TEX2: variants seen among roughly 807,000 people sequenced by gnomAD.
TEX2 encodes the protein testis expressed 2, also known as testis-expressed protein 2.
A neutral mutation model predicts 106.9 loss-of-function variants in TEX2; 53 were observed. That is an observed-to-expected ratio of 0.50 (90% CI 0.40 to 0.62). The LOEUF is 0.62. Ranked by LOEUF, TEX2 falls within the 20% of genes least tolerant of loss-of-function variation. The pLI, the probability that TEX2 is intolerant of heterozygous loss-of-function variation, is 0.00. For synonymous variants in TEX2, 523 were observed against 534.8 expected, an observed-to-expected ratio of 0.98 and a Z score of 0.30; for missense variants, 1,207 against 1,379.0, an observed-to-expected ratio of 0.88 and a Z score of 1.98.
At chr17:64,212,118 C>G (rs1386478874) in intron 2 of TEX2, among the ~76,000 whole-genome samples, 3 of 152,186 alleles carry the variant, frequency 2.0e-5, no homozygotes, top group African/African-American at 7.2e-5. Flanking sequence ...CATTCCCCAC[C>G]GTGCAAAGGA....
At chr17:64,219,637 G>A (rs1398233966) in intron 1 of TEX2, among the ~76,000 whole-genome samples, 3 of 152,162 alleles carry the variant, frequency 2.0e-5, no homozygotes, top group Admixed American at 2.0e-4. Flanking sequence ...GCCTAAACTA[G>A]AGGAGTGGAT....
intron 6 of TEX2, among the ~76,000 whole-genome samples, chr17:64,174,671 G>C (rs143377593): frequency 6.6e-6 from 1 of 152,350 alleles, no homozygotes; most frequent in East Asian, 1.9e-4. Context: ...AGGCATTCAA[G>C]GGTATGGGAC....
chr17:64,159,540 G>A (rs1000280844), intron 8 of TEX2, among the ~76,000 whole-genome samples: 2 of 152,058 alleles, frequency 1.3e-5, no homozygotes, highest in Admixed American at 1.3e-4. Context: ...TCCTGGTGTC[G>A]GTTCTCTCAG....
chr17:64,200,393 A>C lies in TEX2; in HGVS notation c.1645-5298T>G, dbSNP rs1598171530. On this transcript the variant is annotated intron_variant, in intron 2 of 11. Coordinates refer to ENST00000584379, the MANE Select transcript of TEX2 (RefSeq NM_001288732.2). ...GGATAACAAGAGCAACCATTTCCAC[A>C]GTGCTTCAGGGATTCGGTTTTTAGC... 4.6e-5 allele frequency among the ~76,000 whole-genome samples: 7 copies of C among 152,320 alleles called. No individual in the cohort carries two copies. The South Asian group carries it at 1.4e-3, about 32-fold the overall frequency.
chr17:64,180,683 A>G (rs933057466), intron 5 of TEX2, among the ~76,000 whole-genome samples: 2 of 152,252 alleles, frequency 1.3e-5, no homozygotes, highest in African/African-American at 2.4e-5. Context: ...GTATAAACAC[A>G]CTAAGAAATG....
In TEX2 at chr17:64,204,543, C is replaced by T. The variant is rs527537115; in HGVS notation, c.1644+8031G>A. Among the ~76,000 whole-genome samples the T allele has an allele frequency of 5.9e-5, 9 of 152,298 alleles. No individual in the cohort carries two copies. The East Asian group carries it at 9.7e-4, about 16-fold the overall frequency. On this transcript the variant is annotated intron_variant, in intron 2 of 11. Transcript: ENST00000584379. ...TAGAAAGAGCAAAGACTGATACAGA[C>T]GGAAACTTTACTGTTTTCTTCTTGA...
At chr17:64,167,945 T>C (rs930438863) in intron 7 of TEX2, among the ~76,000 whole-genome samples, 51 of 152,194 alleles carry the variant, frequency 3.4e-4, no homozygotes, top group Admixed American at 1.0e-3. Flanking sequence ...TGCTGCCTCT[T>C]GCCTCAAGAA....
At chr17:64,244,552 C>T (rs1238965598) in intron 1 of TEX2, among the ~76,000 whole-genome samples, 1 of 152,150 alleles carries the variant, frequency 6.6e-6, no homozygotes, top group Non-Finnish European at 1.5e-5. Context: ...TACATCACTC[C>T]AAATGCAGGG....
intron 1 of TEX2, among the ~76,000 whole-genome samples, chr17:64,234,969 C>A (rs771671902): frequency 5.3e-5 from 8 of 151,974 alleles, no homozygotes; most frequent in Non-Finnish European, 1.2e-4. Flanking sequence ...TACTGGGCAG[C>A]GCATGACCCA....
chr17:64,250,827 G>A (rs1427277768), intron 1 of TEX2, among the ~76,000 whole-genome samples: 8 of 152,086 alleles, frequency 5.3e-5, no homozygotes, highest in Non-Finnish European at 1.5e-5. Flanking sequence ...GACCACAGGT[G>A]CATGTCACCA....
intron 7 of TEX2, among the ~76,000 whole-genome samples, chr17:64,169,144 T>C (rs1177618464): frequency 6.6e-6 from 1 of 152,148 alleles, no homozygotes; most frequent in Non-Finnish European, 1.5e-5. Context: ...GTTCAAGCTA[T>C]TCTTGTGCCT....
rs372447180 is a variant in TEX2 at position 64,250,417 on chromosome 17, C to CT, written c.-26+12750dup. On this transcript the variant is annotated intron_variant, in intron 1 of 11. Coordinates refer to ENST00000584379, the MANE Select transcript of TEX2 (RefSeq NM_001288732.2). The stretch of plus-strand genomic sequence containing the variant: ...AGCCCCAGTCACAAGCTCCCTTGCC[C>CT]TCTGGATGGCTTTTCCTCATTTGTC... Among the ~76,000 whole-genome samples, 453 of 152,346 alleles carry CT rather than the reference C, an allele frequency of 3.0e-3. 2 individuals are homozygous for CT. Among genetic ancestry groups the CT allele is most frequent in the African/African-American group, 0.011 (441 of 41,590 alleles).
At chr17:64,177,012 T>C (rs1270304811) in intron 6 of TEX2, among the ~76,000 whole-genome samples, 3 of 152,220 alleles carry the variant, frequency 2.0e-5, no homozygotes, top group African/African-American at 7.2e-5. Context: ...AACTTAAAAA[T>C]AACAATTATA....
chr17:64,220,205 C>T (rs1165690936), intron 1 of TEX2, among the ~76,000 whole-genome samples: 2 of 152,132 alleles, frequency 1.3e-5, no homozygotes, highest in Non-Finnish European at 2.9e-5. Flanking sequence ...AAAATTAACT[C>T]AAGATGGATT....
chr17:64,153,047 ATCT>A lies in TEX2; in HGVS notation c.3035_3037del (p.Lys1012del). The A allele has an allele frequency of 6.2e-7, 1 of 1,614,104 alleles. No individual in the cohort carries two copies. The highest frequency in any genetic ancestry group is 8.5e-7 in the Non-Finnish European group (1 of 1,180,010). ...CAGGGGTGTGTTGGAGACTTCTTCG[ATCT>A]TCTTTTTAATAAACTCTGTCTCTGT... On this transcript the variant is annotated inframe_deletion, in exon 10 of 12. Transcript: ENST00000584379. The surrounding 1 kb of genome is among the most constrained non-coding windows in gnomAD (Gnocchi z 4.1).
At chr17:64,230,974 T>C (rs187185079) in intron 1 of TEX2, among the ~76,000 whole-genome samples, 31 of 152,342 alleles carry the variant, frequency 2.0e-4, no homozygotes, top group African/African-American at 7.5e-4. Context: ...AAACAGCTCA[T>C]CTCCCATTAA....
At chr17:64,253,279 C>G (rs1216364938) in intron 1 of TEX2, among the ~76,000 whole-genome samples, 5 of 151,996 alleles carry the variant, frequency 3.3e-5, no homozygotes, top group Non-Finnish European at 5.9e-5. Flanking sequence ...ATTGGGACCA[C>G]AGGCACAGGC....
chr17:64,197,519 C>CGTATGTATGTATGCACATATATAT (rs2032513688), intron 2 of TEX2, among the ~76,000 whole-genome samples: 1 of 152,004 alleles, frequency 6.6e-6, no homozygotes, highest in Admixed American at 6.6e-5. Flanking sequence ...TCTTTCTTTT[C>CGTATGTATGTATGCACATATATAT]GTATGTATGT....
intron 6 of TEX2, among the ~76,000 whole-genome samples, chr17:64,172,307 C>T (rs749031201): frequency 1.6e-4 from 24 of 149,606 alleles, no homozygotes; most frequent in Non-Finnish European, 3.0e-4. Context: ...AAGCCAAGAT[C>T]GCACCACTGC....
Sources: allele counts gnomAD v4.1 joint callset (sites outside exome capture counted in the v4.1 genomes callset), GRCh38; gene constraint gnomAD v4.1.1; non-coding constraint Gnocchi (gnomAD v3.1); transcripts MANE v1.5; gene names NCBI Gene and HGNC (gene_info 2026-07-23, HGNC 2026-07-21).